The following MS4A6A variants were observed in gnomAD, a reference collection of about 807,000 sequenced individuals.
MS4A6A encodes membrane spanning 4-domains A6A, also known as membrane-spanning 4-domains subfamily A member 6A.
A neutral mutation model predicts 20.6 loss-of-function variants in MS4A6A; 19 were observed. The observed-to-expected ratio is 0.92, with a 90% CI of 0.64 to 1.36. The LOEUF is 1.36. MS4A6A is among the 40% of genes most tolerant of loss of function. The pLI is 0.00. For missense variants in MS4A6A, 272 were observed against 261.1 expected (o/e 1.04, Z -0.29); for synonymous variants, 108 against 105.0 (o/e 1.03, Z -0.17).
Position 60,175,207 on chromosome 11 carries a change from A to C in MS4A6A, c.549+195T>G, listed in dbSNP as rs146950060. The stretch of plus-strand genomic sequence containing the variant: ...TTTTTCATCATCAACCTTATTTAAC[A>C]TTTTCAATTCCACTCTATTAGTATG... On this transcript the variant is annotated intron_variant, in intron 5 of 5. Coordinates refer to ENST00000528851, the MANE Select transcript of MS4A6A (RefSeq NM_022349.4). 2.0e-5 allele frequency among the ~76,000 whole-genome samples: 3 copies of C among 151,420 alleles called. No individual in the cohort carries two copies. In the East Asian group the frequency reaches 5.9e-4, roughly 30 times the overall value.
At chr11:60,183,216 A>G (rs111654263), upstream of MS4A6A, 49 of 1,529,818 alleles carry the variant, frequency 3.2e-5, no homozygotes, top group African/African-American at 5.8e-4. Context: ...GAAAAGAGCC[A>G]ACTAATATTT....
chr11:60,183,085 T>C (rs1317718743), upstream of MS4A6A: 4 of 1,511,334 alleles, frequency 2.6e-6, no homozygotes, highest in Admixed American at 8.7e-5. Flanking sequence ...CTGAAAGTCA[T>C]CAGCCCTTCC....
chr11:60,183,203 C>T (rs1001548250), upstream of MS4A6A: 9 of 1,534,712 alleles, frequency 5.9e-6, no homozygotes, highest in African/African-American at 1.2e-4. Flanking sequence ...TCAGTAAAAC[C>T]ATGAAAAGAG....
In MS4A6A at chr11:60,173,117, G is replaced by A. The variant is rs781420488; in HGVS notation, c.562C>T (p.Leu188=). ...AKASLAGTLS[L]MLICTLLEFC... Reference sequence around the variant, plus strand: ...TCCAGCAGAGTGCAAATCAGCATCAGAGAGAGAGTTCCCTGAAAGTCAAGA... The same window carrying A: ...TCCAGCAGAGTGCAAATCAGCATCAAAGAGAGAGTTCCCTGAAAGTCAAGA... Residue 188 remains leucine (L), a synonymous_variant, in exon 6 of 6, where the codon CTG becomes TTG. Coordinates refer to ENST00000528851, the MANE Select transcript of MS4A6A (RefSeq NM_022349.4). 3 of 1,613,700 alleles carry A rather than the reference G, an allele frequency of 1.9e-6. No homozygotes were observed. Among genetic ancestry groups the A allele is most frequent in the East Asian group, 2.2e-5 (1 of 44,868 alleles).
upstream of MS4A6A, chr11:60,183,294 G>A (rs1466591439): frequency 5.4e-6 from 5 of 928,740 alleles, no homozygotes; most frequent in Non-Finnish European, 8.1e-6. Flanking sequence ...GTTTCCTGTT[G>A]TTAGGCAAGT....
chr11:60,181,271 C>G, intron 2 of MS4A6A: 1 of 425,316 alleles, frequency 2.4e-6, no homozygotes, highest in Non-Finnish European at 4.4e-6. Context: ...TATACACATA[C>G]ACACAATATG....
downstream of MS4A6A, among the ~76,000 whole-genome samples, chr11:60,171,730 A>G (rs925707761): frequency 6.6e-6 from 1 of 152,228 alleles, no homozygotes; most frequent in African/African-American, 2.4e-5. Context: ...CACCTGTATA[A>G]AAAAGTCTGA....
intron 5 of MS4A6A, 28 bp from the exon 6 acceptor site, chr11:60,173,157 G>A (rs760222721): frequency 2.5e-6 from 4 of 1,602,840 alleles, no homozygotes; most frequent in East Asian, 2.2e-5. Context: ...AAAGATTGAT[G>A]TTGCTTAGGT....
intron 5 of MS4A6A, among the ~76,000 whole-genome samples, 197 bp from the exon 6 acceptor site, chr11:60,173,326 G>A (rs896926414): frequency 1.3e-5 from 2 of 152,136 alleles, no homozygotes; most frequent in Non-Finnish European, 2.9e-5. Flanking sequence ...TCCTTGAGAG[G>A]AGAAAGGGAG....
At position 60,172,695 on chromosome 11, in the gene MS4A6A, T is replaced by C. The variant is rs1162510428; in HGVS notation, c.*306A>G. 7.5e-6 allele frequency: 9 copies of C among 1,198,332 alleles called. No homozygotes were observed. The highest frequency in any genetic ancestry group is 5.7e-5 in the South Asian group (3 of 52,660). The allele number at this position is 1,198,332 out of a possible 1,614,324, so 74.2% of individuals were successfully genotyped here. A position where few individuals can be genotyped will look rare whatever the true frequency, so the allele number is the denominator to read the frequency against. On this transcript the variant is annotated 3_prime_UTR_variant, in exon 6 of 6. Coordinates refer to ENST00000528851, the MANE Select transcript of MS4A6A (RefSeq NM_022349.4). Reference sequence around the variant, plus strand: ...CTTATAAGGGAGGCAAGCCAGGTTCTAGTGTCCTCAGCAAAGGCACAAACT... The same window carrying C: ...CTTATAAGGGAGGCAAGCCAGGTTCCAGTGTCCTCAGCAAAGGCACAAACT...
intron 5 of MS4A6A, among the ~76,000 whole-genome samples, chr11:60,173,828 T>A (rs1408922914): frequency 6.6e-6 from 1 of 152,168 alleles, no homozygotes; most frequent in Non-Finnish European, 1.5e-5. Context: ...CTCACAAGAA[T>A]GAATTCTATC....
chr11:60,173,451 A>G (rs963874202), intron 5 of MS4A6A, among the ~76,000 whole-genome samples: 2 of 152,116 alleles, frequency 1.3e-5, no homozygotes, highest in Non-Finnish European at 2.9e-5. Context: ...TGGCGTAATA[A>G]CTCCCAGGAC....
chr11:60,176,099 C>A (rs1409303798), intron 4 of MS4A6A, among the ~76,000 whole-genome samples: 2 of 152,122 alleles, frequency 1.3e-5, no homozygotes, highest in Non-Finnish European at 2.9e-5. Context: ...ATGTTTGCAC[C>A]AACCTAATAG....
At chr11:60,182,605 C>G (rs966748317) in intron 1 of MS4A6A, 1 of 152,334 alleles carries the variant, frequency 6.6e-6, no homozygotes, top group African/African-American at 2.4e-5. Flanking sequence ...CGTCGTTGGT[C>G]CTCCCCACTT....
rs1856642685 is a variant in MS4A6A, at chr11:60,172,734, C to T, written c.*267G>A. 1 of 1,248,342 alleles carries T rather than the reference C, an allele frequency of 8.0e-7. No individual in the cohort carries two copies. 77.3% of individuals were successfully genotyped at this position (1,248,342 alleles called of 1,614,324 possible). On this transcript the variant is annotated 3_prime_UTR_variant, in exon 6 of 6. Transcript: ENST00000528851. ...AAGGCACAAACTCATAGCATAATGC[C>T]AGGCCAGTCATTTAACTTCCCAGAG...
intron 1 of MS4A6A, among the ~76,000 whole-genome samples, chr11:60,181,988 G>A (rs1857160030): frequency 6.6e-6 from 1 of 152,100 alleles, no homozygotes. Context: ...AATCTTGAGA[G>A]GTCTCAATGT....
At chr11:60,182,011 G>T (rs1416001175) in intron 1 of MS4A6A, among the ~76,000 whole-genome samples, 1 of 152,112 alleles carries the variant, frequency 6.6e-6, no homozygotes, top group Non-Finnish European at 1.5e-5. Flanking sequence ...AGAGGCAAAT[G>T]GTCACACAAA....
chr11:60,172,452 C>A (rs748587688), downstream of MS4A6A: 13 of 1,273,760 alleles, frequency 1.0e-5, no homozygotes, highest in Admixed American at 4.3e-4. Flanking sequence ...TTGGATAAAT[C>A]AAGGCTTTTT....
intron 4 of MS4A6A, among the ~76,000 whole-genome samples, chr11:60,176,013 C>T (rs868404718): frequency 1.3e-5 from 2 of 152,230 alleles, no homozygotes; most frequent in African/African-American, 4.8e-5. Flanking sequence ...GCGGAAGCAT[C>T]AGCCACATGG....
Sources: allele counts gnomAD v4.1 joint callset (sites outside exome capture counted in the v4.1 genomes callset), GRCh38; gene constraint gnomAD v4.1.1; transcripts MANE v1.5; gene names NCBI Gene and HGNC (gene_info 2026-07-23, HGNC 2026-07-21).